The following EYA4 variants were observed in gnomAD, a reference collection of about 807,000 sequenced individuals.
The protein encoded by EYA4 is protein phosphatase EYA4.
A neutral mutation model predicts 87.9 loss-of-function variants in EYA4; 31 were observed. That is an observed-to-expected ratio of 0.35 (90% CI 0.27 to 0.48). EYA4 has a LOEUF of 0.48. Ranked by LOEUF, EYA4 falls within the 20% of genes least tolerant of loss-of-function variation. The pLI is 0.99. For synonymous variants in EYA4, 263 were observed against 270.6 expected (o/e 0.97, Z 0.28); for missense variants, 678 against 761.4 (o/e 0.89, Z 1.29).
chr6:133,348,261 G>GTTTTTT (rs35905853), intron 2 of EYA4, among the ~76,000 whole-genome samples: 3 of 68,780 alleles, frequency 4.4e-5, no homozygotes, highest in Non-Finnish European at 5.3e-5. Flanking sequence ...TCTTCAAGTA[G>GTTTTTT]TTTTTTTTTT....
intron 3 of EYA4, among the ~76,000 whole-genome samples, chr6:133,437,171 G>A (rs1284900879): frequency 6.6e-6 from 1 of 152,138 alleles, no homozygotes; most frequent in Non-Finnish European, 1.5e-5. Context: ...ACAAGGGGTT[G>A]AAATAAACAT....
chr6:133,530,802 C>G lies in EYA4; in HGVS notation c.*1997C>G. The G allele has an allele frequency of 3.0e-6, 3 of 989,410 alleles. No homozygotes were observed. The highest frequency in any genetic ancestry group is 3.6e-6 in the Non-Finnish European group (3 of 832,080). 61.3% of individuals were successfully genotyped at this position (989,410 alleles called of 1,614,324 possible). A position where few individuals can be genotyped will look rare whatever the true frequency, so the allele number is the denominator to read the frequency against. ...CTTTTGGCTGCATCTGCCCCAAGTACTATTCCAGGCAAATTAAAGTTGGAA... is the reference window on the plus strand; with the variant it reads ...CTTTTGGCTGCATCTGCCCCAAGTAGTATTCCAGGCAAATTAAAGTTGGAA... On this transcript the variant is annotated 3_prime_UTR_variant, in exon 20 of 20. Coordinates refer to ENST00000355286, the MANE Select transcript of EYA4 (RefSeq NM_004100.5).
chr6:133,528,700 A>C, intron 19 of EYA4, 25 bp from the exon 20 acceptor site: 1 of 1,517,310 alleles, frequency 6.6e-7, no homozygotes, highest in Non-Finnish European at 9.2e-7. Flanking sequence ...TCTCTCTCCC[A>C]TCCCTCCTTC....
intron 2 of EYA4, among the ~76,000 whole-genome samples, chr6:133,290,391 T>C (rs956694293): frequency 2.5e-4 from 38 of 152,200 alleles, no homozygotes; most frequent in African/African-American, 9.2e-4. Context: ...AAAAATTTGA[T>C]ATGGGTTTAT....
At chr6:133,324,038 T>G (rs1485394274) in intron 2 of EYA4, among the ~76,000 whole-genome samples, 1 of 152,172 alleles carries the variant, frequency 6.6e-6, no homozygotes, top group East Asian at 1.9e-4. Flanking sequence ...AGTTTGAGTA[T>G]TATTGATTTC....
intron 3 of EYA4, among the ~76,000 whole-genome samples, chr6:133,421,530 G>T (rs1397811068): frequency 6.6e-6 from 1 of 152,152 alleles, no homozygotes; most frequent in Non-Finnish European, 1.5e-5. Context: ...TAGACATTGT[G>T]CATTTCCGTG....
intron 3 of EYA4, among the ~76,000 whole-genome samples, chr6:133,445,577 C>CTTTTTTTTTTTT (rs1000098998): frequency 7.1e-6 from 1 of 141,654 alleles, no homozygotes; most frequent in Non-Finnish European, 1.6e-5. Context: ...TTTCCTTTTT[C>CTTTTTTTTTTTT]TTTTTTTTTT....
intron 3 of EYA4, among the ~76,000 whole-genome samples, chr6:133,432,399 G>A (rs1791264112): frequency 6.6e-6 from 1 of 152,138 alleles, no homozygotes; most frequent in Admixed American, 6.5e-5. Flanking sequence ...CTGATTTCAG[G>A]GCGCTGCATT....
chr6:133,392,818 G>T (rs919543013), intron 3 of EYA4, among the ~76,000 whole-genome samples: 6 of 152,152 alleles, frequency 3.9e-5, no homozygotes, highest in Non-Finnish European at 8.8e-5. Flanking sequence ...ATGTATTAGT[G>T]ATTAATTCCA....
chr6:133,487,831 C>A (rs948191113), intron 13 of EYA4, among the ~76,000 whole-genome samples: 7 of 152,140 alleles, frequency 4.6e-5, no homozygotes, highest in African/African-American at 1.4e-4. Context: ...GAGAGGGACT[C>A]CTTTTACTTG....
chr6:133,294,062 T>TATATATATATATATATATATAAA (rs71003632), intron 2 of EYA4, among the ~76,000 whole-genome samples: 2 of 105,158 alleles, frequency 1.9e-5, no homozygotes, highest in Non-Finnish European at 4.1e-5. Flanking sequence ...TATATATATA[T>TATATATATATATATATATATAAA]AATTCTATTC....
intron 3 of EYA4, among the ~76,000 whole-genome samples, chr6:133,404,581 CAA>C (rs1788542706): frequency 6.6e-6 from 1 of 151,334 alleles, no homozygotes; most frequent in South Asian, 2.1e-4. Flanking sequence ...CTAAATAAAA[CAA>C]AAATAATCTC....
chr6:133,335,666 A>T (rs1782310107), intron 2 of EYA4, among the ~76,000 whole-genome samples: 1 of 152,166 alleles, frequency 6.6e-6, no homozygotes, highest in Non-Finnish European at 1.5e-5. Context: ...AGGTTCTTGG[A>T]GAGGACATTC....
chr6:133,410,242 T>A (rs1789092489), intron 3 of EYA4, among the ~76,000 whole-genome samples: 1 of 152,116 alleles, frequency 6.6e-6, no homozygotes, highest in African/African-American at 2.4e-5. Flanking sequence ...ATGGTTGGCG[T>A]CCTTGAAACT....
In EYA4 at chr6:133,394,282, G is replaced by GTATTTTTTTTTTTTTT. The variant is rs1562368948; in HGVS notation, c.83+11842_83+11843insATTTTTTTTTTTTTTT. Among the ~76,000 whole-genome samples the GTATTTTTTTTTTTTTT allele has an allele frequency of 5.6e-5, 6 of 107,846 alleles. 2 individuals are homozygous for GTATTTTTTTTTTTTTT. The highest frequency in any genetic ancestry group is 2.7e-4 in the East Asian group (1 of 3,720). The allele number at this position is 107,846 out of a possible 152,430, so 70.8% of individuals were successfully genotyped here. The stretch of plus-strand genomic sequence containing the variant: ...GTTGGAAAAATGTATATATAAGCTT[G>GTATTTTTTTTTTTTTT]TGTTTTTTTTTTTTTTTTTTTTTTT... On this transcript the variant is annotated intron_variant, in intron 3 of 19. Coordinates refer to ENST00000355286, the MANE Select transcript of EYA4 (RefSeq NM_004100.5).
At chr6:133,247,762 G>A (rs1774533059) in intron 1 of EYA4, 1 of 151,828 alleles carries the variant, frequency 6.6e-6, no homozygotes, top group African/African-American at 2.4e-5. Context: ...GGTGAAGCAG[G>A]ATGTAGGTAG....
intron 3 of EYA4, among the ~76,000 whole-genome samples, chr6:133,385,350 A>AT (rs200163950): frequency 0.039 from 5,098 of 130,814 alleles, 431 homozygotes; most frequent in African/African-American, 0.13. Flanking sequence ...ACATATATAT[A>AT]TATTTTTTCT....
At chr6:133,308,012 G>A (rs1582910437) in intron 2 of EYA4, among the ~76,000 whole-genome samples, 2 of 152,126 alleles carry the variant, frequency 1.3e-5, no homozygotes, top group Admixed American at 6.5e-5. Flanking sequence ...TTTTTATAAA[G>A]GGCAGTTCCC....
At chr6:133,322,322 G>A (rs372615109) in intron 2 of EYA4, among the ~76,000 whole-genome samples, 14 of 152,070 alleles carry the variant, frequency 9.2e-5, no homozygotes, top group African/African-American at 2.9e-4. Context: ...TGCTATAAAA[G>A]GACTATCCTC....
Sources: allele counts gnomAD v4.1 joint callset (sites outside exome capture counted in the v4.1 genomes callset), GRCh38; gene constraint gnomAD v4.1.1; transcripts MANE v1.5; gene names NCBI Gene and HGNC (gene_info 2026-07-23, HGNC 2026-07-21).